PTCH1: variants seen among roughly 807,000 people sequenced by gnomAD.
PTCH1 encodes protein patched homolog 1.
Under a neutral mutation model 144.6 loss-of-function variants are expected in PTCH1, and 14 were observed. The observed-to-expected ratio is 0.10, with a 90% confidence interval of 0.06 to 0.15. The LOEUF (loss-of-function observed/expected upper bound fraction) is 0.15. Ranked by LOEUF, PTCH1 falls within the 10% of genes least tolerant of loss-of-function variation. The probability of loss-of-function intolerance (pLI) is 1.00; values close to 1 mark genes in which losing one functional copy is unlikely to be tolerated. For synonymous variants in PTCH1, 833 were observed against 793.6 expected (o/e 1.05, Z -0.83); for missense variants, 1,623 against 1,948.3 (o/e 0.83, Z 3.14).
chr9:95,476,714 A>G lies in PTCH1; in HGVS notation c.1602+45T>C. ...AAGGACAAATACTTAGGAACAGAGG[A>G]AGCTGTGATGTCCCCAAAGCTCTCT... is the stretch of plus-strand genomic sequence containing the variant. On this transcript the variant is annotated intron_variant, in intron 11 of 23. Transcript: ENST00000331920. This position sits in a 1 kb window ranked among gnomAD's most constrained non-coding sequence, Gnocchi z 4.6. 2 of 1,523,170 alleles carry G rather than the reference A, an allele frequency of 1.3e-6. No individual in the cohort carries two copies. Among genetic ancestry groups the G allele is most frequent in the Non-Finnish European group, 9.1e-7 (1 of 1,104,068 alleles). 94.4% of individuals were successfully genotyped at this position (1,523,170 alleles called of 1,614,324 possible).
intron 2 of PTCH1, among the ~76,000 whole-genome samples, chr9:95,490,716 G>C (rs1044559449): frequency 1.3e-4 from 20 of 152,154 alleles, no homozygotes; most frequent in Non-Finnish European, 2.2e-4. Flanking sequence ...CAGAGGCTGG[G>C]AAGAATGAGA....
At chr9:95,456,005 C>T (rs979659078) in intron 19 of PTCH1, among the ~76,000 whole-genome samples, 1 of 152,210 alleles carries the variant, frequency 6.6e-6, no homozygotes, top group African/African-American at 2.4e-5. Flanking sequence ...CAGGTGAGCA[C>T]GGCCCTTCAA....
Position 95,482,188 on chromosome 9 carries a change from T to C in PTCH1, c.600A>G (p.Glu200=). The C allele has an allele frequency of 6.2e-7, 1 of 1,614,068 alleles. No homozygotes were observed. The highest frequency in any genetic ancestry group is 1.7e-5 in the Admixed American group (1 of 60,014). The stretch of plus-strand genomic sequence containing the variant: ...GCTCTCCTGATTTGTAACACAAATG[T>C]TCCAATTTCCACTGCCTAATAAAAT... ...VYMYNRQWKL[E]HLCYKSGELI... Residue 200 remains glutamate (E), a synonymous_variant, in exon 4 of 24, where the codon GAA becomes GAG. Transcript: ENST00000331920.
chr9:95,487,005 T>C (rs1425259193), intron 2 of PTCH1, among the ~76,000 whole-genome samples: 9 of 152,200 alleles, frequency 5.9e-5, no homozygotes, highest in Admixed American at 5.9e-4. Context: ...ATCATAGCTT[T>C]CCCACGAGGA....
intron 2 of PTCH1, among the ~76,000 whole-genome samples, chr9:95,498,340 G>T (rs996727929): frequency 6.6e-6 from 1 of 152,180 alleles, no homozygotes; most frequent in African/African-American, 2.4e-5. Context: ...TGGGTTTCTG[G>T]ATTAGAAATA....
intron 1 of PTCH1, among the ~76,000 whole-genome samples, chr9:95,515,954 G>C (rs1351622027): frequency 6.6e-6 from 1 of 151,950 alleles, no homozygotes; most frequent in African/African-American, 2.4e-5. Flanking sequence ...CTGCTCCCGC[G>C]AGCTGGCGGC....
chr9:95,493,632 A>G (rs1388050007), intron 2 of PTCH1, among the ~76,000 whole-genome samples: 6 of 152,180 alleles, frequency 3.9e-5, no homozygotes, highest in South Asian at 4.1e-4. Flanking sequence ...GCATTTGATT[A>G]ATCCCATGAA....
At chr9:95,456,727 G>A (rs776412302) in intron 18 of PTCH1, among the ~76,000 whole-genome samples, 1 of 152,088 alleles carries the variant, frequency 6.6e-6, no homozygotes, top group Non-Finnish European at 1.5e-5. Flanking sequence ...ACGAGGAATT[G>A]CACAAGCATG....
At chr9:95,482,091 G>A (rs2118469952) in intron 4 of PTCH1, 43 bp downstream of exon 4, 1 of 1,609,978 alleles carries the variant, frequency 6.2e-7, no homozygotes, top group Non-Finnish European at 8.5e-7. Flanking sequence ...GCACACTACT[G>A]GGGTGTTCCT....
chr9:95,483,377 TG>T (rs1841711740), intron 3 of PTCH1: 1 of 112,398 alleles, frequency 8.9e-6, no homozygotes, highest in Non-Finnish European at 1.9e-5. Flanking sequence ...AAAGAAAATC[TG>T]GAAGAGTGGG....
At chr9:95,514,363 G>A (rs1384977923) in intron 1 of PTCH1, 4 of 152,166 alleles carry the variant, frequency 2.6e-5, no homozygotes, top group Non-Finnish European at 5.9e-5. Flanking sequence ...CTTTGCGTTT[G>A]CTAGGAGGCA....
At chr9:95,486,618 T>C (rs1012996664) in intron 2 of PTCH1, among the ~76,000 whole-genome samples, 7 of 152,256 alleles carry the variant, frequency 4.6e-5, no homozygotes, top group African/African-American at 1.7e-4. Flanking sequence ...CGAGAAGTCC[T>C]GCCTCACACC....
At chr9:95,455,475 C>T (rs538183457) in intron 19 of PTCH1, among the ~76,000 whole-genome samples, 29 of 152,306 alleles carry the variant, frequency 1.9e-4, no homozygotes, top group African/African-American at 7.0e-4. Context: ...CTGATAACCC[C>T]AAGTTCTTAG....
chr9:95,496,951 C>A (rs2118748499), intron 2 of PTCH1, among the ~76,000 whole-genome samples: 1 of 151,838 alleles, frequency 6.6e-6, no homozygotes, highest in African/African-American at 2.4e-5. Context: ...TGGAAGAATT[C>A]ACAAAAGGAA....
At chr9:95,471,268 A>G (rs980668502) in intron 12 of PTCH1, among the ~76,000 whole-genome samples, 1 of 152,204 alleles carries the variant, frequency 6.6e-6, no homozygotes, top group African/African-American at 2.4e-5. Context: ...TTGTGAGTTT[A>G]TGCTGAAGGT....
Position 95,476,595 on chromosome 9 carries a change from G to C in PTCH1, c.1602+164C>G, listed in dbSNP as rs1001367202. Reference sequence around the variant, plus strand: ...ACTTCTCATAGCAAATACATGTCCTGAGAGTCTTCCAGCTTATTTCATTGA... The same window carrying C: ...ACTTCTCATAGCAAATACATGTCCTCAGAGTCTTCCAGCTTATTTCATTGA... On this transcript the variant is annotated intron_variant, in intron 11 of 23. Coordinates refer to ENST00000331920, the MANE Select transcript of PTCH1 (RefSeq NM_000264.5). This position sits in a 1 kb window ranked among gnomAD's most constrained non-coding sequence, Gnocchi z 4.6. Among the ~76,000 whole-genome samples the C allele has an allele frequency of 6.6e-6, 1 of 152,112 alleles. No homozygotes were observed. The highest frequency in any genetic ancestry group is 2.4e-5 in the African/African-American group (1 of 41,416).
At chr9:95,465,545 G>A (rs1192766726) in intron 15 of PTCH1, among the ~76,000 whole-genome samples, 2 of 152,152 alleles carry the variant, frequency 1.3e-5, no homozygotes, top group Non-Finnish European at 2.9e-5. Context: ...CCTCCAAAAG[G>A]AAAGTCAAAT....
At chr9:95,453,828 G>A (rs1365781425) in intron 19 of PTCH1, among the ~76,000 whole-genome samples, 2 of 152,192 alleles carry the variant, frequency 1.3e-5, no homozygotes, top group Non-Finnish European at 2.9e-5. Flanking sequence ...TGGTGTTGAC[G>A]TAAATCTTGA....
Position 95,444,692 on chromosome 9 carries a change from C to A in PTCH1, c.*1701G>T, listed in dbSNP as rs1257142889. On this transcript the variant is annotated 3_prime_UTR_variant, in exon 24 of 24. Transcript: ENST00000331920. ...TAACAGGAGCTGCCACTCGTGAGCG[C>A]CTCACAGTAGCTTAGGCTTCAGCCC... 1.3e-5 allele frequency: 2 copies of A among 152,248 alleles called. No individual in the cohort carries two copies. Among genetic ancestry groups the A allele is most frequent in the Non-Finnish European group, 2.9e-5 (2 of 68,088 alleles). The allele number at this position is 152,248 out of a possible 1,614,324, so 9.4% of individuals were successfully genotyped here. A position where few individuals can be genotyped will look rare whatever the true frequency, so the allele number is the denominator to read the frequency against.
Sources: allele counts gnomAD v4.1 joint callset (sites outside exome capture counted in the v4.1 genomes callset), GRCh38; gene constraint gnomAD v4.1.1; non-coding constraint Gnocchi (gnomAD v3.1); transcripts MANE v1.5; gene names NCBI Gene and HGNC (gene_info 2026-07-23, HGNC 2026-07-21).